The following F10 variants were observed in gnomAD, a reference collection of about 807,000 sequenced individuals.
F10 encodes Stuart-Prower factor.
F10 carries 29 observed loss-of-function variants against 37.1 expected under a neutral mutation model. The observed-to-expected ratio is 0.78, with a 90% CI of 0.58 to 1.07. F10 has a LOEUF of 1.07. Ranked by LOEUF, F10 falls within the 50% of genes least tolerant of loss-of-function variation. The pLI is 0.00. For synonymous variants in F10, 262 were observed against 268.6 expected (o/e 0.98, Z 0.24); for missense variants, 539 against 667.9 (o/e 0.81, Z 2.13).
chr13:113,148,974 C>T lies in F10; in HGVS notation c.924C>T (p.Val308=), dbSNP rs370532757. ...AGGCGGTGCACGAGGTGGAGGTGGT[C>T]ATCAAGCACAACCGGTTCACAAAGG... The part of the protein sequence containing the change: ...GGEAVHEVEV[V]IKHNRFTKET... The change falls in exon 8 of 8, where the codon GTC becomes GTT. Residue 308 remains valine (V), a synonymous_variant. Coordinates refer to ENST00000375559, the MANE Select transcript of F10 (RefSeq NM_000504.4). The T allele has an allele frequency of 5.0e-6, 8 of 1,613,384 alleles. No homozygotes were observed. The highest frequency in any genetic ancestry group is 6.8e-6 in the Non-Finnish European group (8 of 1,180,030).
chr13:113,129,495 C>A lies in F10; in HGVS notation c.114C>A (p.Val38=). 6.2e-7 allele frequency: 1 copy of A among 1,614,098 alleles called. No individual in the cohort carries two copies. Among genetic ancestry groups the A allele is most frequent in the Non-Finnish European group, 8.5e-7 (1 of 1,180,012 alleles). The change falls in exon 2 of 8, where the codon GTC becomes GTA. Residue 38 remains valine, a synonymous_variant. Coordinates refer to ENST00000375559, the MANE Select transcript of F10 (RefSeq NM_000504.4). ...REQANNILAR[V]TRANSFLEEM... is the part of the protein sequence containing the mutation. ...AGGCCAACAACATCCTGGCGAGGGT[C>A]ACGAGGGCCAATTCCTTTCTTGAAG... is the stretch of plus-strand genomic sequence containing the variant.
At chr13:113,136,374 G>GC (rs1157567943) in intron 2 of F10, among the ~76,000 whole-genome samples, 1 of 151,832 alleles carries the variant, frequency 6.6e-6, no homozygotes, top group Non-Finnish European at 1.5e-5. Context: ...CCCATTTCTG[G>GC]GCATTTACCC....
At chr13:113,147,211 C>T (rs1270841987) in intron 6 of F10, among the ~76,000 whole-genome samples, 168 bp from the exon 7 acceptor site, 1 of 152,096 alleles carries the variant, frequency 6.6e-6, no homozygotes, top group East Asian at 1.9e-4. Context: ...GTGGCACAGG[C>T]AGAGAAAAGA....
At chr13:113,142,944 AAAG>A (rs2036546470) in intron 5 of F10, among the ~76,000 whole-genome samples, 1 of 152,122 alleles carries the variant, frequency 6.6e-6, no homozygotes, top group Admixed American at 6.6e-5. Flanking sequence ...AAAAAAAAAA[AAAG>A]TTCAGTTCCA....
At position 113,122,831 on chromosome 13, in the gene F10, C is replaced by T. The variant is rs753698256; in HGVS notation, c.-25C>T. On this transcript the variant is annotated 5_prime_UTR_variant, in exon 1 of 8. Transcript: ENST00000375559. ...CTCCAGCAGCCTGTCCCAGTGAGGA[C>T]AGGGACACAGTACTCGGCCACACCA... 8.1e-6 allele frequency: 13 copies of T among 1,608,002 alleles called. No individual in the cohort carries two copies. The highest frequency in any genetic ancestry group is 1.0e-5 in the Non-Finnish European group (12 of 1,179,838).
At position 113,144,664 on chromosome 13, in the gene F10, A is replaced by G. The variant is rs1374209632; in HGVS notation, c.747+569A>G. ...ATCCTATGGAGGTAGATAGTACCTT[A>G]GAGAAAAACACATCTACTTATTTTC... On this transcript the variant is annotated intron_variant, in intron 6 of 7. Coordinates refer to ENST00000375559, the MANE Select transcript of F10 (RefSeq NM_000504.4). This position sits in a 1 kb window ranked among gnomAD's most constrained non-coding sequence, Gnocchi z 6.4. 1.3e-5 allele frequency among the ~76,000 whole-genome samples: 2 copies of G among 152,250 alleles called. No individual in the cohort carries two copies. Among genetic ancestry groups the G allele is most frequent in the African/African-American group, 4.8e-5 (2 of 41,466 alleles).
At chr13:113,130,907 A>G (rs1466877925) in intron 2 of F10, 1 of 152,256 alleles carries the variant, frequency 6.6e-6, no homozygotes, top group East Asian at 1.9e-4. Flanking sequence ...AAACACCAAG[A>G]AGGGCGAGCG....
chr13:113,129,724 C>A (rs986257056), intron 2 of F10, 112 bp downstream of exon 2: 13 of 1,427,086 alleles, frequency 9.1e-6, no homozygotes, highest in South Asian at 1.2e-5. Flanking sequence ...GGGCAGCGTG[C>A]GCGAAGGCTT....
intron 7 of F10, among the ~76,000 whole-genome samples, chr13:113,147,824 C>G (rs1017731506): frequency 1.3e-5 from 2 of 152,052 alleles, no homozygotes; most frequent in Non-Finnish European, 2.9e-5. Context: ...TTATTGGGAG[C>G]CTTCCAGACC....
chr13:113,127,926 G>A (rs1784932621), intron 1 of F10, among the ~76,000 whole-genome samples: 1 of 152,172 alleles, frequency 6.6e-6, no homozygotes, highest in African/African-American at 2.4e-5. Flanking sequence ...GAGAATTCAA[G>A]GAAGGGGGCT....
intron 2 of F10, among the ~76,000 whole-genome samples, chr13:113,137,968 G>T (rs1198101607): frequency 6.6e-6 from 1 of 152,194 alleles, no homozygotes; most frequent in African/African-American, 2.4e-5. Context: ...TCAACCAACT[G>T]TAGAGAGTTA....
rs548139283 is a variant in F10 at position 113,146,980 on chromosome 13, G to A, written c.748-399G>A. Among the ~76,000 whole-genome samples the A allele has an allele frequency of 8.5e-5, 13 of 152,228 alleles. No individual in the cohort carries two copies. The highest frequency in any genetic ancestry group is 5.9e-4 in the Admixed American group (9 of 15,294). On this transcript the variant is annotated intron_variant, in intron 6 of 7. Transcript: ENST00000375559. The surrounding 1 kb of genome is among the most constrained non-coding windows in gnomAD (Gnocchi z 4.5). Reference sequence around the variant, plus strand: ...GACAGGCTCACACTGCTGAACCGTCGGGACACCAGGCAGGCACACCGGTTG... The same window carrying A: ...GACAGGCTCACACTGCTGAACCGTCAGGACACCAGGCAGGCACACCGGTTG...
At chr13:113,124,961 C>G (rs2036357042) in intron 1 of F10, among the ~76,000 whole-genome samples, 1 of 152,254 alleles carries the variant, frequency 6.6e-6, no homozygotes, top group African/African-American at 2.4e-5. Context: ...CTGCCTCCAT[C>G]ATCGCATGGG....
chr13:113,143,699 A>AAG lies in F10; in HGVS notation c.503-152_503-151insAG. On this transcript the variant is annotated intron_variant, in intron 5 of 7. Coordinates refer to ENST00000375559, the MANE Select transcript of F10 (RefSeq NM_000504.4). The surrounding 1 kb of genome is among the most constrained non-coding windows in gnomAD (Gnocchi z 6.8). ...CCTGCAGATCCGACCCCTGCCGACG[A>AAG]CGTGGGGCCTCGCCCTGCAAGCCCG... is the stretch of plus-strand genomic sequence containing the variant. 1.5e-5 allele frequency: 18 copies of AAG among 1,203,554 alleles called. No individual in the cohort carries two copies. Among genetic ancestry groups the AAG allele is most frequent in the Admixed American group, 1.3e-4 (6 of 46,652 alleles). The allele number at this position is 1,203,554 out of a possible 1,614,324, so 74.6% of individuals were successfully genotyped here. A position where few individuals can be genotyped will look rare whatever the true frequency, so the allele number is the denominator to read the frequency against.
chr13:113,148,771 C>A, intron 7 of F10, 145 bp from the exon 8 acceptor site: 1 of 1,384,374 alleles, frequency 7.2e-7, no homozygotes, highest in Non-Finnish European at 9.7e-7. Flanking sequence ...TGCTGCTTTG[C>A]ACTTCCCTCT....
At chr13:113,126,085 C>T (rs1036712279) in intron 1 of F10, among the ~76,000 whole-genome samples, 7 of 151,702 alleles carry the variant, frequency 4.6e-5, no homozygotes, top group Non-Finnish European at 8.8e-5. Context: ...CCAGGGTCAG[C>T]GCAGAGCCCA....
chr13:113,138,997 A>G (rs1237320012), intron 3 of F10, among the ~76,000 whole-genome samples: 1 of 152,202 alleles, frequency 6.6e-6, no homozygotes, highest in Non-Finnish European at 1.5e-5. Flanking sequence ...GATGATTTGG[A>G]AAGAGGAACC....
chr13:113,124,171 C>T (rs539217976), intron 1 of F10, among the ~76,000 whole-genome samples: 90 of 152,000 alleles, frequency 5.9e-4, no homozygotes, highest in Non-Finnish European at 8.4e-4. Flanking sequence ...AAGCCCGGCC[C>T]GGGACTCTGG....
chr13:113,141,660 C>T lies in F10; in HGVS notation c.502+610C>T, dbSNP rs3211775. 2.6e-3 allele frequency among the ~76,000 whole-genome samples: 396 copies of T among 152,320 alleles called. 3 individuals carry two copies. Among genetic ancestry groups the T allele is most frequent in the African/African-American group, 9.1e-3 (380 of 41,576 alleles). On this transcript the variant is annotated intron_variant, in intron 5 of 7. Coordinates refer to ENST00000375559, the MANE Select transcript of F10 (RefSeq NM_000504.4). This position sits in a 1 kb window ranked among gnomAD's most constrained non-coding sequence, Gnocchi z 5.4. ...GGGACGAGCCTCCCTGTCCTGACCCCGTGGGCATTGCCTACGCTGGGCTTG... is the reference window on the plus strand; with the variant it reads ...GGGACGAGCCTCCCTGTCCTGACCCTGTGGGCATTGCCTACGCTGGGCTTG...
Sources: gnomAD v4.1 joint callset for allele counts (sites outside exome capture counted in the v4.1 genomes callset) on GRCh38, gnomAD v4.1.1 for gene constraint, Gnocchi (gnomAD v3.1) non-coding constraint, MANE v1.5 for transcripts, NCBI Gene and HGNC (gene_info 2026-07-23, HGNC 2026-07-21) for gene names.